SSBP3: variants seen among roughly 807,000 people sequenced by gnomAD.
The protein encoded by SSBP3 is single-stranded DNA-binding protein 3.
In SSBP3, 5 loss-of-function variants were observed where a neutral mutation model predicts 69.6. The observed-to-expected ratio is 0.07, with a 90% CI of 0.04 to 0.15. The LOEUF is 0.15. Ranked by LOEUF, SSBP3 falls within the 10% of genes least tolerant of loss-of-function variation. The pLI is 1.00. For missense variants in SSBP3, 312 were observed against 534.0 expected, an observed-to-expected ratio of 0.58 and a Z score of 4.10; for synonymous variants, 196 against 193.4, an observed-to-expected ratio of 1.01 and a Z score of -0.11.
At chr1:54,232,594 CCTCTCCCCACGGTCTCCCTCTCTTT>C (rs1644398714) in intron 14 of SSBP3, among the ~76,000 whole-genome samples, 2 of 152,142 alleles carry the variant, frequency 1.3e-5, no homozygotes, top group African/African-American at 2.4e-5. Flanking sequence ...GGGCCCTCTC[CCTCTCCCCACGGTCTCCCTCTCTTT>C]CCACGGTCTC....
intron 5 of SSBP3, among the ~76,000 whole-genome samples, chr1:54,264,546 C>G (rs1435318288): frequency 6.6e-6 from 1 of 152,222 alleles, no homozygotes; most frequent in Non-Finnish European, 1.5e-5. Context: ...TGAGGACAGG[C>G]TGTGACCTGT....
At chr1:54,309,329 G>C (rs188193978) in intron 4 of SSBP3, among the ~76,000 whole-genome samples, 1 of 152,340 alleles carries the variant, frequency 6.6e-6, no homozygotes, top group East Asian at 1.9e-4. Context: ...AATGAGAGCT[G>C]ATGATACTGA....
At chr1:54,400,592 T>C (rs1649225178) in intron 4 of SSBP3, among the ~76,000 whole-genome samples, 1 of 152,212 alleles carries the variant, frequency 6.6e-6, no homozygotes, top group Non-Finnish European at 1.5e-5. Context: ...TCAGCTTCTC[T>C]TTTTCAGCCC....
Position 54,239,122 on chromosome 1 carries a change from G to C in SSBP3, c.927+7C>G. The stretch of plus-strand genomic sequence containing the variant: ...CTGATATGTAAATTATTAGAAAGCA[G>C]ACTTACGTTGGACCGGCTGCCTCCA... On this transcript the variant is annotated splice_region_variant and intron_variant, in intron 14 of 17. Coordinates refer to ENST00000610401, the Ensembl canonical transcript of SSBP3. 1 of 1,612,182 alleles carries C rather than the reference G, an allele frequency of 6.2e-7. No individual in the cohort carries two copies.
intron 4 of SSBP3, among the ~76,000 whole-genome samples, chr1:54,343,577 A>G (rs1646643792): frequency 6.6e-6 from 1 of 152,230 alleles, no homozygotes; most frequent in Non-Finnish European, 1.5e-5. Flanking sequence ...TGGGCTTCAG[A>G]GGGTTTGCAA....
intron 4 of SSBP3, among the ~76,000 whole-genome samples, chr1:54,310,489 G>A (rs541031775): frequency 6.6e-6 from 1 of 152,106 alleles, no homozygotes; most frequent in South Asian, 2.1e-4. Context: ...TTTTAAGAAG[G>A]GTTTTTAATT....
rs1644964621 is a variant in SSBP3, at chr1:54,258,629, T to C, written c.367-480A>G. ...AGTCTGGGGGACAGTGACACGGCTA[T>C]GGGTGACTCGAGGCAGTACTGATCA... is the stretch of plus-strand genomic sequence containing the variant. On this transcript the variant is annotated intron_variant, in intron 5 of 17. Coordinates refer to ENST00000610401, the Ensembl canonical transcript of SSBP3. This position sits in a 1 kb window ranked among gnomAD's most constrained non-coding sequence, Gnocchi z 4.5. Among the ~76,000 whole-genome samples, 1 of 152,020 alleles carries C rather than the reference T, an allele frequency of 6.6e-6. No individual in the cohort carries two copies.
intron 4 of SSBP3, 54 bp downstream of exon 4, chr1:54,401,807 G>A: frequency 1.3e-6 from 2 of 1,494,874 alleles, no homozygotes; most frequent in African/African-American, 1.4e-5. Context: ...TACTAGAGAA[G>A]TTAGAGCTAT....
chr1:54,269,648 C>G (rs1201561900), intron 5 of SSBP3, among the ~76,000 whole-genome samples: 1 of 152,150 alleles, frequency 6.6e-6, no homozygotes, highest in Non-Finnish European at 1.5e-5. Context: ...TAAAAGTGAC[C>G]TGAGAGGGAA....
rs58429798 is a variant in SSBP3 at position 54,386,683 on chromosome 1, C to CTTTTTTTTTTT, written c.276+15167_276+15177dup. On this transcript the variant is annotated intron_variant, in intron 4 of 17. Coordinates refer to ENST00000610401, the Ensembl canonical transcript of SSBP3. ...ATCCACAATGTATAAACTGATCCTA[C>CTTTTTTTTTTT]TTTTTTTTTTTTTTTTTTTTTAAGA... 6.4e-3 allele frequency among the ~76,000 whole-genome samples: 486 copies of CTTTTTTTTTTT among 76,072 alleles called. 98 individuals carry two copies. Among genetic ancestry groups the CTTTTTTTTTTT allele is most frequent in the African/African-American group, 0.023 (341 of 14,564 alleles). The allele number at this position is 76,072 out of a possible 152,430, so 49.9% of individuals were successfully genotyped here.
At chr1:54,387,518 T>C (rs937396301) in intron 4 of SSBP3, among the ~76,000 whole-genome samples, 26 of 152,190 alleles carry the variant, frequency 1.7e-4, no homozygotes, top group Non-Finnish European at 8.8e-5. Flanking sequence ...TTCCAAACCA[T>C]TCAGAATTAG....
intron 5 of SSBP3, among the ~76,000 whole-genome samples, chr1:54,259,028 G>A (rs1360346529): frequency 6.6e-6 from 1 of 152,168 alleles, no homozygotes; most frequent in African/African-American, 2.4e-5. Context: ...GTGCAGAGCT[G>A]GGGACAGGGG....
intron 4 of SSBP3, among the ~76,000 whole-genome samples, chr1:54,288,358 G>C (rs1273698361): frequency 6.6e-6 from 1 of 152,174 alleles, no homozygotes; most frequent in African/African-American, 2.4e-5. Flanking sequence ...TGACACTGTG[G>C]ATGTCCAAGG....
At chr1:54,247,844 G>C (rs1644760148) in intron 9 of SSBP3, among the ~76,000 whole-genome samples, 1 of 152,160 alleles carries the variant, frequency 6.6e-6, no homozygotes, top group East Asian at 1.9e-4. Flanking sequence ...GAAACACTAG[G>C]ATAAGACGTT....
intron 4 of SSBP3, among the ~76,000 whole-genome samples, chr1:54,363,083 G>A (rs1263003285): frequency 1.3e-5 from 2 of 152,262 alleles, no homozygotes; most frequent in Admixed American, 6.5e-5. Flanking sequence ...GCTGTCTAGA[G>A]GTCATTCCTG....
At chr1:54,413,137 CT>C (rs1464542124) in intron 1 of SSBP3, 1 of 152,238 alleles carries the variant, frequency 6.6e-6, no homozygotes, top group Non-Finnish European at 1.5e-5. Flanking sequence ...GGTTCCCATG[CT>C]CCTGAAACCC....
intron 4 of SSBP3, among the ~76,000 whole-genome samples, chr1:54,300,005 T>A (rs1645773022): frequency 6.6e-6 from 1 of 152,140 alleles, no homozygotes; most frequent in Non-Finnish European, 1.5e-5. Flanking sequence ...AATGCTCCTA[T>A]CACAGTCTTC....
chr1:54,339,931 A>C (rs71637842), intron 4 of SSBP3, among the ~76,000 whole-genome samples: 2,596 of 152,244 alleles, frequency 0.017, 42 homozygotes, highest in Non-Finnish European at 0.028. Context: ...AAGAAAAGAA[A>C]GAACGAAAGG....
chr1:54,301,711 G>C (rs1251514428), intron 4 of SSBP3, among the ~76,000 whole-genome samples: 1 of 152,182 alleles, frequency 6.6e-6, no homozygotes, highest in African/African-American at 2.4e-5. Flanking sequence ...AGAGCCAAGC[G>C]AGGCTGAGCA....
Sources: allele counts gnomAD v4.1 joint callset (sites outside exome capture counted in the v4.1 genomes callset), GRCh38; gene constraint gnomAD v4.1.1; non-coding constraint Gnocchi (gnomAD v3.1); transcripts MANE v1.5; gene names NCBI Gene and HGNC (gene_info 2026-07-23, HGNC 2026-07-21).